Variants in SULF1 observed in about 807,000 individuals in gnomAD.
SULF1 encodes the protein extracellular sulfatase Sulf-1.
In SULF1, 46 loss-of-function variants were observed where a neutral mutation model predicts 110.5. That is an observed-to-expected ratio of 0.42 (90% CI 0.33 to 0.53). The LOEUF (loss-of-function observed/expected upper bound fraction) is 0.53. Among genes scored for constraint, SULF1 ranks in the 20% least tolerant of loss-of-function variants. The pLI, the probability that SULF1 is intolerant of heterozygous loss-of-function variation, is 0.12. For missense variants in SULF1, 941 were observed against 1,094.2 expected, an observed-to-expected ratio of 0.86 and a Z score of 1.98; for synonymous variants, 371 against 387.1, an observed-to-expected ratio of 0.96 and a Z score of 0.49.
chr8:69,553,290 G>A (rs1425450939), intron 3 of SULF1, among the ~76,000 whole-genome samples: 1 of 152,220 alleles, frequency 6.6e-6, no homozygotes, highest in Non-Finnish European at 1.5e-5. Context: ...AGGATATGCT[G>A]TATGCAAGAG....
intron 11 of SULF1, 72 bp downstream of exon 11, chr8:69,603,392 C>A (rs1030744210): frequency 6.2e-6 from 10 of 1,605,434 alleles, no homozygotes; most frequent in African/African-American, 2.7e-5. Context: ...AGCCAGCCAG[C>A]AGCTGAAGAC....
intron 13 of SULF1, 95 bp downstream of exon 13, chr8:69,605,027 T>A (rs774163874): frequency 6.5e-7 from 1 of 1,532,570 alleles, no homozygotes; most frequent in Non-Finnish European, 8.8e-7. Flanking sequence ...CATTTGTGTA[T>A]AAATAAGCTT....
At position 69,659,848 on chromosome 8, in the gene SULF1, C is replaced by A. The variant is rs1290453574; in HGVS notation, c.*1313C>A. 2 of 153,026 alleles carry A rather than the reference C, an allele frequency of 1.3e-5. No homozygotes were observed. Among genetic ancestry groups the A allele is most frequent in the Non-Finnish European group, 2.9e-5 (2 of 68,408 alleles). The allele number at this position is 153,026 out of a possible 1,614,324, so 9.5% of individuals were successfully genotyped here. ...GATTAGTCTTATTTTTTTATTTTTA[C>A]AGGCTTATCAGTCTCACTGTTGGCT... On this transcript the variant is annotated 3_prime_UTR_variant, in exon 23 of 23. Coordinates refer to ENST00000402687, the MANE Select transcript of SULF1 (RefSeq NM_001128205.2).
At chr8:69,557,763 A>G (rs1044109009) in intron 3 of SULF1, among the ~76,000 whole-genome samples, 4 of 152,256 alleles carry the variant, frequency 2.6e-5, no homozygotes, top group Non-Finnish European at 5.9e-5. Context: ...TGAGCTTTGA[A>G]GATTCCTTCC....
intron 5 of SULF1, among the ~76,000 whole-genome samples, chr8:69,568,926 C>T (rs779839581): frequency 5.9e-5 from 9 of 151,946 alleles, no homozygotes; most frequent in Non-Finnish European, 1.3e-4. Flanking sequence ...CTAGGAGATG[C>T]GTTATTTATT....
At position 69,643,240 on chromosome 8, in the gene SULF1, C is replaced by G. The variant is rs1174146313; in HGVS notation, c.2585+2399C>G. ...GCAGTGTTTGATGTGGCCTTACCTG[C>G]TCCTTGTATCTTATTGGATTGAATG... On this transcript the variant is annotated intron_variant, in intron 22 of 22. Coordinates refer to ENST00000402687, the MANE Select transcript of SULF1 (RefSeq NM_001128205.2). Among the ~76,000 whole-genome samples, 9 of 152,166 alleles carry G rather than the reference C, an allele frequency of 5.9e-5. 1 individual carries two copies. The highest frequency in any genetic ancestry group is 5.9e-4 in the Admixed American group (9 of 15,266).
At chr8:69,616,107 ATG>A (rs58375413) in intron 13 of SULF1, among the ~76,000 whole-genome samples, 172 of 137,906 alleles carry the variant, frequency 1.2e-3, no homozygotes, top group African/African-American at 4.3e-3. Context: ...ACACACATAT[ATG>A]TGTGTGTATA....
At chr8:69,473,452 C>G (rs1809178079) in intron 1 of SULF1, 1 of 152,146 alleles carries the variant, frequency 6.6e-6, no homozygotes, top group Non-Finnish European at 1.5e-5. Flanking sequence ...TCGTACTAAT[C>G]AAATTCTAAA....
chr8:69,536,152 G>T (rs969164978), intron 3 of SULF1, among the ~76,000 whole-genome samples: 1 of 152,120 alleles, frequency 6.6e-6, no homozygotes, highest in Non-Finnish European at 1.5e-5. Context: ...TTACGCTCAG[G>T]TGTTTTGCGC....
chr8:69,554,499 T>C (rs530435386), intron 3 of SULF1, among the ~76,000 whole-genome samples: 108 of 152,258 alleles, frequency 7.1e-4, no homozygotes, highest in African/African-American at 2.4e-3. Context: ...ATGCTAAGTT[T>C]TTATTAGCTA....
rs781644970 is a variant in SULF1 at position 69,658,638 on chromosome 8, G to T, written c.*103G>T. On this transcript the variant is annotated 3_prime_UTR_variant, in exon 23 of 23. Transcript: ENST00000402687. ...ACAGACAAAACTACAGACTTAGTCT[G>T]GTGGACTGGACTAATTACTTGAAGG... is the stretch of plus-strand genomic sequence containing the variant. 23 of 935,150 alleles carry T rather than the reference G, an allele frequency of 2.5e-5. No homozygotes were observed. The highest frequency in any genetic ancestry group is 3.9e-5 in the Non-Finnish European group (22 of 566,902). The allele number at this position is 935,150 out of a possible 1,614,324, so 57.9% of individuals were successfully genotyped here. A position where few individuals can be genotyped will look rare whatever the true frequency, so the allele number is the denominator to read the frequency against.
At chr8:69,651,042 CT>C (rs1481641672) in intron 22 of SULF1, among the ~76,000 whole-genome samples, 3 of 137,478 alleles carry the variant, frequency 2.2e-5, no homozygotes, top group African/African-American at 6.1e-5. Flanking sequence ...AACATCTATT[CT>C]TTTTTTTCTT....
At chr8:69,603,730 C>G (rs1302977958) in intron 12 of SULF1, 74 bp downstream of exon 12, 2 of 1,049,950 alleles carry the variant, frequency 1.9e-6, no homozygotes, top group Admixed American at 1.8e-5. Context: ...TATTTTTTTT[C>G]TCCTTATTTT....
At chr8:69,552,431 G>A (rs184550242) in intron 3 of SULF1, among the ~76,000 whole-genome samples, 1 of 152,282 alleles carries the variant, frequency 6.6e-6, no homozygotes, top group Admixed American at 6.5e-5. Flanking sequence ...TTCTTGCCTG[G>A]CTTTATTCTC....
intron 8 of SULF1, among the ~76,000 whole-genome samples, chr8:69,596,785 G>T (rs1367001122): frequency 6.6e-6 from 1 of 152,164 alleles, no homozygotes; most frequent in Non-Finnish European, 1.5e-5. Context: ...AGTCCTCAGA[G>T]TTGCTGCAAC....
intron 1 of SULF1, among the ~76,000 whole-genome samples, chr8:69,494,604 A>AC (rs1810195891): frequency 6.6e-6 from 1 of 152,226 alleles, no homozygotes; most frequent in Non-Finnish European, 1.5e-5. Flanking sequence ...TCTATACTTT[A>AC]CCTAATTTGA....
chr8:69,590,840 G>T (rs1806843101), intron 8 of SULF1, among the ~76,000 whole-genome samples: 1 of 152,174 alleles, frequency 6.6e-6, no homozygotes, highest in African/African-American at 2.4e-5. Context: ...GCCCATGTGT[G>T]ACAAGTGGCT....
At chr8:69,476,934 A>T (rs888509254) in intron 1 of SULF1, among the ~76,000 whole-genome samples, 1 of 152,190 alleles carries the variant, frequency 6.6e-6, no homozygotes, top group South Asian at 2.1e-4. Flanking sequence ...TGCCAAACTT[A>T]AAACTAGGTC....
intron 7 of SULF1, among the ~76,000 whole-genome samples, chr8:69,588,368 A>G (rs1470393310): frequency 6.6e-6 from 1 of 152,192 alleles, no homozygotes; most frequent in Non-Finnish European, 1.5e-5. Flanking sequence ...AACTGATCAA[A>G]TGTTGCAGCT....
Sources: allele counts gnomAD v4.1 joint callset (sites outside exome capture counted in the v4.1 genomes callset), GRCh38; gene constraint gnomAD v4.1.1; transcripts MANE v1.5; gene names NCBI Gene and HGNC (gene_info 2026-07-23, HGNC 2026-07-21).